Variants in PIPOX observed in about 807,000 individuals in gnomAD.
The protein encoded by PIPOX is peroxisomal sarcosine oxidase.
In PIPOX, 45 loss-of-function variants were observed where a neutral mutation model predicts 47.9. That is an observed-to-expected ratio of 0.94 (90% CI 0.74 to 1.20). The LOEUF (loss-of-function observed/expected upper bound fraction) is 1.20. Ranked by LOEUF, PIPOX falls within the 50% of genes most tolerant of loss-of-function variation. PIPOX has a pLI of 0.00. For missense variants in PIPOX, 458 were observed against 498.4 expected, an observed-to-expected ratio of 0.92 and a Z score of 0.77; for synonymous variants, 165 against 191.3, an observed-to-expected ratio of 0.86 and a Z score of 1.13.
chr17:29,045,973 C>T (rs772507209), intron 2 of PIPOX, among the ~76,000 whole-genome samples: 6 of 152,138 alleles, frequency 3.9e-5, no homozygotes, highest in Admixed American at 1.3e-4. Flanking sequence ...GAACTTTAAC[C>T]ATCCCACCTC....
At chr17:29,055,343 A>T (rs2065823601) in intron 6 of PIPOX, 122 bp downstream of exon 6, 1 of 1,141,116 alleles carries the variant, frequency 8.8e-7, no homozygotes, top group African/African-American at 1.5e-5. Flanking sequence ...GACTTTAAAC[A>T]AACGGGCTCA....
intron 2 of PIPOX, among the ~76,000 whole-genome samples, chr17:29,050,218 A>G (rs1294700003): frequency 6.6e-6 from 1 of 152,226 alleles, no homozygotes. Context: ...CAAAGCTGGT[A>G]TATTGCAGGC....
intron 2 of PIPOX, among the ~76,000 whole-genome samples, chr17:29,051,588 T>C (rs576075714): frequency 2.6e-5 from 4 of 152,336 alleles, no homozygotes; most frequent in African/African-American, 9.6e-5. Flanking sequence ...ACTCTTCCAT[T>C]GTTTCTATCC....
intron 1 of PIPOX, among the ~76,000 whole-genome samples, chr17:29,044,029 A>G (rs1034112939): frequency 3.3e-5 from 5 of 152,194 alleles, no homozygotes; most frequent in Non-Finnish European, 5.9e-5. Context: ...TTCTGCCTGC[A>G]GCTACCCAGG....
intron 2 of PIPOX, among the ~76,000 whole-genome samples, chr17:29,047,978 T>C (rs1348146517): frequency 6.6e-6 from 1 of 152,228 alleles, no homozygotes; most frequent in Non-Finnish European, 1.5e-5. Context: ...TGAAAAGTAA[T>C]GTGAATATGC....
intron 2 of PIPOX, among the ~76,000 whole-genome samples, chr17:29,048,327 G>A (rs1311212840): frequency 6.6e-6 from 1 of 152,174 alleles, no homozygotes; most frequent in Non-Finnish European, 1.5e-5. Context: ...CATACTTAAT[G>A]CTATTTGATG....
rs2065828969 is a variant in PIPOX at position 29,056,485 on chromosome 17, C to A, written c.*180C>A. Reference sequence around the variant, plus strand: ...CTTGGCCCGCTCCCTTTTTCTTCTGCCTCACTTGAATCCCCCGTAAACACC... The same window carrying A: ...CTTGGCCCGCTCCCTTTTTCTTCTGACTCACTTGAATCCCCCGTAAACACC... On this transcript the variant is annotated 3_prime_UTR_variant, in exon 8 of 8. Transcript: ENST00000323372. 2 of 683,674 alleles carry A rather than the reference C, an allele frequency of 2.9e-6. No individual in the cohort carries two copies. The highest frequency in any genetic ancestry group is 4.8e-6 in the Non-Finnish European group (2 of 413,484). The allele number at this position is 683,674 out of a possible 1,614,324, so 42.4% of individuals were successfully genotyped here.
At chr17:29,055,979 G>C (rs2065826354) in intron 7 of PIPOX, 91 bp downstream of exon 7, 1 of 1,353,100 alleles carries the variant, frequency 7.4e-7, no homozygotes, top group Non-Finnish European at 1.1e-6. Context: ...TAGCTGCCCA[G>C]ATAGGTGTGA....
intron 1 of PIPOX, 79 bp from the exon 2 acceptor site, chr17:29,044,780 C>T: frequency 7.1e-7 from 1 of 1,412,084 alleles, no homozygotes; most frequent in Non-Finnish European, 9.6e-7. Context: ...GTTGACAGCA[C>T]ATGCTGATAT....
At chr17:29,049,963 C>G (rs1011750602) in intron 2 of PIPOX, among the ~76,000 whole-genome samples, 1 of 152,298 alleles carries the variant, frequency 6.6e-6, no homozygotes, top group African/African-American at 2.4e-5. Flanking sequence ...AGAATCAGCT[C>G]GCTGATTACT....
chr17:29,048,995 A>G (rs1001131497), intron 2 of PIPOX, among the ~76,000 whole-genome samples: 8 of 151,916 alleles, frequency 5.3e-5, no homozygotes, highest in African/African-American at 7.3e-5. Flanking sequence ...TCCTCTCCCA[A>G]TTCCTCCCCA....
At chr17:29,051,236 T>C (rs2065804979) in intron 2 of PIPOX, among the ~76,000 whole-genome samples, 1 of 152,210 alleles carries the variant, frequency 6.6e-6, no homozygotes, top group African/African-American at 2.4e-5. Context: ...CCACTGCATC[T>C]TTCCTCTGTT....
chr17:29,054,804 T>A (rs539132999), intron 5 of PIPOX, 113 bp downstream of exon 5: 190 of 1,263,086 alleles, frequency 1.5e-4, no homozygotes, highest in Non-Finnish European at 2.0e-4. Flanking sequence ...AGCAGGAGCC[T>A]GCTTCACTCA....
chr17:29,056,354 T>C lies in PIPOX; in HGVS notation c.*49T>C. ...TGTGCACAGGAGCCAGTTTCACAGA[T>C]GGAGAAGATGTCTCAGATGAAGGGA... On this transcript the variant is annotated 3_prime_UTR_variant, in exon 8 of 8. Coordinates refer to ENST00000323372, the MANE Select transcript of PIPOX (RefSeq NM_016518.3). 1.9e-6 allele frequency: 3 copies of C among 1,608,190 alleles called. No homozygotes were observed. Among genetic ancestry groups the C allele is most frequent in the South Asian group, 1.1e-5 (1 of 90,900 alleles).
At position 29,056,344 on chromosome 17, in the gene PIPOX, G is replaced by A. The variant is rs747263148; in HGVS notation, c.*39G>A. ...GCCTCCCTTCTGTGCACAGGAGCCA[G>A]TTTCACAGATGGAGAAGATGTCTCA... On this transcript the variant is annotated 3_prime_UTR_variant, in exon 8 of 8. Transcript: ENST00000323372. 1.2e-6 allele frequency: 2 copies of A among 1,612,624 alleles called. No homozygotes were observed. The highest frequency in any genetic ancestry group is 1.7e-6 in the Non-Finnish European group (2 of 1,178,900).
At position 29,043,352 on chromosome 17, in the gene PIPOX, T is replaced by A; in HGVS notation, c.114+13T>A. Reference sequence around the variant, plus strand: ...CCTGCTGGAGCAGGTACTGTGTCCCTTCTGCACCCCCAGCTGTAAGGACTG... The same window carrying A: ...CCTGCTGGAGCAGGTACTGTGTCCCATCTGCACCCCCAGCTGTAAGGACTG... On this transcript the variant is annotated intron_variant, in intron 1 of 7. Transcript: ENST00000323372. The A allele has an allele frequency of 6.3e-7, 1 of 1,576,148 alleles. No homozygotes were observed. Among genetic ancestry groups the A allele is most frequent in the Non-Finnish European group, 8.7e-7 (1 of 1,145,892 alleles).
At chr17:29,047,002 C>G (rs2065787939) in intron 2 of PIPOX, among the ~76,000 whole-genome samples, 1 of 152,124 alleles carries the variant, frequency 6.6e-6, no homozygotes, top group Non-Finnish European at 1.5e-5. Context: ...CAATAAGAAA[C>G]TAGGCTGGGC....
intron 2 of PIPOX, among the ~76,000 whole-genome samples, chr17:29,051,339 C>T (rs1017873956): frequency 3.3e-5 from 5 of 152,180 alleles, no homozygotes; most frequent in East Asian, 3.9e-4. Flanking sequence ...GCACGCTGCG[C>T]GGCTCTGTGT....
rs546075368 is a variant in PIPOX, at chr17:29,055,840, G to T, written c.994G>T (p.Asp332Tyr). The change falls in exon 7 of 8, where the codon GAT becomes TAT. Residue 332 changes from aspartate (D) to tyrosine (Y), a missense_variant. By Grantham distance (160) the Asp-to-Tyr change is radical. Transcript: ENST00000323372. ...TNTPDEQFILDRHPKYDNIVI... is the reference protein window; with the variant it reads ...TNTPDEQFILYRHPKYDNIVI... Reference sequence around the variant, plus strand: ...TACCCCTGATGAGCAGTTCATTCTCGATCGCCACCCAAAGTATGACAACAT... The same window carrying T: ...TACCCCTGATGAGCAGTTCATTCTCTATCGCCACCCAAAGTATGACAACAT... The T allele has an allele frequency of 6.2e-7, 1 of 1,613,904 alleles. No individual in the cohort carries two copies. Among genetic ancestry groups the T allele is most frequent in the Non-Finnish European group, 8.5e-7 (1 of 1,179,828 alleles).
Sources: gnomAD v4.1 joint callset for allele counts (sites outside exome capture counted in the v4.1 genomes callset) on GRCh38, gnomAD v4.1.1 for gene constraint, MANE v1.5 for transcripts, NCBI Gene and HGNC (gene_info 2026-07-23, HGNC 2026-07-21) for gene names.